GSE1: variants seen among roughly 807,000 people sequenced by gnomAD.
GSE1 encodes Gse1 coiled-coil protein, also known as genetic suppressor element 1.
Under a neutral mutation model 112.6 loss-of-function variants are expected in GSE1, and 32 were observed. That is an observed-to-expected ratio of 0.28 (90% CI 0.21 to 0.38). The LOEUF (loss-of-function observed/expected upper bound fraction) is 0.38. GSE1 is among the 10% of genes least tolerant of loss of function. The pLI is 1.00. For missense variants in GSE1, 2,348 were observed against 1,699.2 expected (o/e 1.38, Z -6.71); for synonymous variants, 1,115 against 735.6 (o/e 1.52, Z -8.35).
At chr16:85,362,817 G>A (rs1387383303) in intron 2 of GSE1, among the ~76,000 whole-genome samples, 3 of 148,820 alleles carry the variant, frequency 2.0e-5, no homozygotes. Flanking sequence ...CGTTTCTGAA[G>A]TGGTTATTGA....
intron 1 of GSE1, among the ~76,000 whole-genome samples, chr16:85,308,766 G>C (rs138156401): frequency 3.4e-4 from 51 of 151,636 alleles, no homozygotes; most frequent in African/African-American, 9.7e-4. Context: ...CTGAATCAGA[G>C]AGGTTTGCAG....
At chr16:85,630,687 C>T (rs1473493200) in intron 1 of GSE1, among the ~76,000 whole-genome samples, 1 of 152,204 alleles carries the variant, frequency 6.6e-6, no homozygotes, top group Non-Finnish European at 1.5e-5. Context: ...ACCATTCACG[C>T]CTTCTGATCG....
chr16:85,172,790 C>G (rs2074383748), intron 1 of GSE1, among the ~76,000 whole-genome samples: 1 of 152,222 alleles, frequency 6.6e-6, no homozygotes, highest in Admixed American at 6.5e-5. Context: ...TCATTCCACC[C>G]TTTGAAAGCT....
chr16:85,634,826 G>A (rs1303695647), intron 2 of GSE1, among the ~76,000 whole-genome samples: 1 of 152,176 alleles, frequency 6.6e-6, no homozygotes, highest in East Asian at 1.9e-4. Context: ...TTTGGCGCCT[G>A]CGATGACCAT....
chr16:85,657,984 ACTT>A (rs1018017243), intron 8 of GSE1, among the ~76,000 whole-genome samples: 1 of 152,178 alleles, frequency 6.6e-6, no homozygotes, highest in African/African-American at 2.4e-5. Flanking sequence ...TTGAGCCTGG[ACTT>A]CTTTTTTTAA....
chr16:85,344,038 C>CATAACTCA (rs1398531124), intron 1 of GSE1, among the ~76,000 whole-genome samples: 1 of 152,186 alleles, frequency 6.6e-6, no homozygotes, highest in African/African-American at 2.4e-5. Flanking sequence ...AACTCAGATA[C>CATAACTCA]GTCTCCTTCA....
chr16:85,402,805 C>T (rs969362934), intron 2 of GSE1, among the ~76,000 whole-genome samples: 2 of 151,890 alleles, frequency 1.3e-5, no homozygotes, highest in African/African-American at 4.8e-5. Flanking sequence ...GTCCCAGTTA[C>T]TTGGGAGGCT....
chr16:85,361,302 G>T (rs2047074256), intron 2 of GSE1, among the ~76,000 whole-genome samples: 1 of 87,920 alleles, frequency 1.1e-5, no homozygotes, highest in Non-Finnish European at 2.1e-5. Context: ...GACACACAGA[G>T]ACAGGCACAG....
chr16:85,353,195 C>G (rs1258143231), intron 1 of GSE1, among the ~76,000 whole-genome samples: 1 of 152,098 alleles, frequency 6.6e-6, no homozygotes, highest in East Asian at 1.9e-4. Flanking sequence ...GTTTGTTGGC[C>G]AGGACGCAGT....
Position 85,362,808 on chromosome 16 carries a change from G to A in GSE1, c.2464+5165G>A, listed in dbSNP as rs540679043. ...GGTATCCTTCCTGAGCTGTGAAACC[G>A]TTTCTGAAGTGGTTATTGATATCTT... On this transcript the variant is annotated intron_variant, in intron 2 of 2. Transcript: ENST00000637419. Among the ~76,000 whole-genome samples the A allele has an allele frequency of 2.7e-5, 4 of 148,694 alleles. No individual in the cohort carries two copies. In the East Asian group the frequency reaches 5.9e-4, roughly 22 times the overall value.
At chr16:85,545,632 A>G (rs1157058986) in intron 2 of GSE1, among the ~76,000 whole-genome samples, 1 of 152,184 alleles carries the variant, frequency 6.6e-6, no homozygotes. Flanking sequence ...AAAAATGGAG[A>G]TAATAATAGA....
upstream of GSE1, among the ~76,000 whole-genome samples, chr16:85,608,077 G>T (rs995832010): frequency 1.7e-4 from 26 of 152,224 alleles, 1 homozygote; most frequent in African/African-American, 6.0e-4. Flanking sequence ...AATTCCAGAG[G>T]CAGGGATGGG....
chr16:85,376,994 C>T (rs2047435919), intron 2 of GSE1, among the ~76,000 whole-genome samples: 1 of 152,242 alleles, frequency 6.6e-6, no homozygotes, highest in Non-Finnish European at 1.5e-5. Flanking sequence ...CAGAGTTGCC[C>T]AGTGTGAGTG....
At chr16:85,596,191 G>A (rs1028977459) in intron 1 of GSE1, among the ~76,000 whole-genome samples, 18 of 152,272 alleles carry the variant, frequency 1.2e-4, no homozygotes, top group African/African-American at 4.3e-4. Flanking sequence ...ATCGCAGCTC[G>A]AAGGACGGAT....
intron 2 of GSE1, among the ~76,000 whole-genome samples, chr16:85,421,761 A>T (rs2048850411): frequency 6.6e-6 from 1 of 151,958 alleles, no homozygotes; most frequent in African/African-American, 2.4e-5. Context: ...GTGGAGGCTT[A>T]GGGCCTCCCA....
At chr16:85,450,117 C>CTTTTTT (rs59854597) in intron 2 of GSE1, among the ~76,000 whole-genome samples, 4,876 of 79,362 alleles carry the variant, frequency 0.061, 667 homozygotes, top group African/African-American at 0.17. Context: ...AGGCAGCTGA[C>CTTTTTT]TTTTTTTTTT....
chr16:85,371,462 A>C (rs2047299720), intron 2 of GSE1, among the ~76,000 whole-genome samples: 1 of 152,150 alleles, frequency 6.6e-6, no homozygotes, highest in South Asian at 2.1e-4. Flanking sequence ...GTGGAGCATG[A>C]GTGCTGGCCC....
At chr16:85,580,399 G>A (rs1176065408) in intron 1 of GSE1, among the ~76,000 whole-genome samples, 1 of 152,148 alleles carries the variant, frequency 6.6e-6, no homozygotes, top group Non-Finnish European at 1.5e-5. Context: ...CCTGAAGGCT[G>A]GCCAGCATCC....
chr16:85,348,549 T>C (rs565140085), intron 1 of GSE1, among the ~76,000 whole-genome samples: 3 of 152,286 alleles, frequency 2.0e-5, no homozygotes, highest in South Asian at 4.2e-4. Flanking sequence ...TGCCCATCCA[T>C]GAAATGCAGG....
Sources: allele counts gnomAD v4.1 joint callset (sites outside exome capture counted in the v4.1 genomes callset), GRCh38; gene constraint gnomAD v4.1.1; transcripts MANE v1.5; gene names NCBI Gene and HGNC (gene_info 2026-07-23, HGNC 2026-07-21).